The following NPAS3 variants were observed in gnomAD, a reference collection of about 807,000 sequenced individuals.
NPAS3 encodes neuronal PAS domain-containing protein 3.
Under a neutral mutation model 73.1 loss-of-function variants are expected in NPAS3, and 14 were observed. The observed-to-expected ratio is 0.19, with a 90% CI of 0.13 to 0.30. The LOEUF (loss-of-function observed/expected upper bound fraction) is 0.30, where lower values mean the gene tolerates loss of function less well. NPAS3 is among the 10% of genes least tolerant of loss of function. NPAS3 has a pLI of 1.00. For synonymous variants in NPAS3, 620 were observed against 541.5 expected, an observed-to-expected ratio of 1.14 and a Z score of -2.01; for missense variants, 1,096 against 1,250.0, an observed-to-expected ratio of 0.88 and a Z score of 1.86.
intron 5 of NPAS3, among the ~76,000 whole-genome samples, chr14:33,653,861 A>G (rs921079382): frequency 1.3e-5 from 2 of 152,210 alleles, no homozygotes; most frequent in Non-Finnish European, 2.9e-5. Flanking sequence ...TTTTATTCCT[A>G]ACTAAAACAG....
At chr14:33,718,093 C>T (rs748857904) in intron 6 of NPAS3, among the ~76,000 whole-genome samples, 28 of 151,956 alleles carry the variant, frequency 1.8e-4, no homozygotes, top group African/African-American at 6.3e-4. Context: ...GCACACGCAA[C>T]GCCAAACCAG....
At chr14:33,647,012 TGAAGTAATGG>T (rs1433695141) in intron 5 of NPAS3, among the ~76,000 whole-genome samples, 2 of 152,118 alleles carry the variant, frequency 1.3e-5, no homozygotes, top group African/African-American at 2.4e-5. Flanking sequence ...CAGCTGTCCT[TGAAGTAATGG>T]GTTTCAATAC....
At chr14:33,357,753 G>A (rs887639130) in intron 3 of NPAS3, among the ~76,000 whole-genome samples, 1 of 152,180 alleles carries the variant, frequency 6.6e-6, no homozygotes. Flanking sequence ...CCTCTGGCTT[G>A]GGAAGGTGAC....
At chr14:33,264,879 C>G (rs543619713) in intron 3 of NPAS3, among the ~76,000 whole-genome samples, 1 of 152,238 alleles carries the variant, frequency 6.6e-6, no homozygotes, top group East Asian at 1.9e-4. Flanking sequence ...CTAAGGCCTC[C>G]AACTGCACTT....
At chr14:33,663,690 G>C (rs2059374207) in intron 5 of NPAS3, among the ~76,000 whole-genome samples, 1 of 151,906 alleles carries the variant, frequency 6.6e-6, no homozygotes, top group Non-Finnish European at 1.5e-5. Context: ...TTTTTTGGTT[G>C]GTAGGCTATT....
chr14:33,164,915 C>G (rs1205860957), intron 2 of NPAS3, among the ~76,000 whole-genome samples: 1 of 151,856 alleles, frequency 6.6e-6, no homozygotes, highest in Non-Finnish European at 1.5e-5. Flanking sequence ...CAATAATTTC[C>G]CTTTTCATGG....
chr14:33,549,446 C>T (rs2055005794), intron 4 of NPAS3, among the ~76,000 whole-genome samples: 1 of 152,144 alleles, frequency 6.6e-6, no homozygotes, highest in East Asian at 1.9e-4. Context: ...TGTTGCCAGG[C>T]TGGTCTCAAA....
intron 4 of NPAS3, among the ~76,000 whole-genome samples, chr14:33,491,404 T>A (rs1275185153): frequency 6.6e-6 from 1 of 152,112 alleles, no homozygotes; most frequent in African/African-American, 2.4e-5. Flanking sequence ...GTGTGAGGCC[T>A]CTGGATGGTG....
intron 1 of NPAS3, among the ~76,000 whole-genome samples, chr14:32,940,785 T>C (rs2035958978): frequency 6.6e-6 from 1 of 152,256 alleles, no homozygotes; most frequent in South Asian, 2.1e-4. Flanking sequence ...AAAAGGCTTC[T>C]ATTGTACTGT....
intron 2 of NPAS3, among the ~76,000 whole-genome samples, chr14:33,175,678 G>C (rs2139406080): frequency 6.6e-6 from 1 of 152,182 alleles, no homozygotes; most frequent in Non-Finnish European, 1.5e-5. Context: ...AGTGGAAAAA[G>C]TAAATTTAAT....
chr14:33,180,367 T>C (rs1245142520), intron 2 of NPAS3, among the ~76,000 whole-genome samples: 2 of 72,448 alleles, frequency 2.8e-5, no homozygotes, highest in African/African-American at 8.5e-5. Flanking sequence ...CACCATTCTG[T>C]TAAATAAGAG....
At chr14:33,730,695 G>GA (rs11386738) in intron 6 of NPAS3, among the ~76,000 whole-genome samples, 15,258 of 152,136 alleles carry the variant, frequency 0.1, 1,928 homozygotes, top group East Asian at 0.28. Context: ...ATTTTGCAAG[G>GA]AAAAAACCAA....
At chr14:33,475,516 GA>G (rs1174826998) in intron 4 of NPAS3, among the ~76,000 whole-genome samples, 2 of 135,772 alleles carry the variant, frequency 1.5e-5, no homozygotes. Context: ...TTATGTGTCT[GA>G]AATTTCCATG....
At chr14:33,655,699 C>T (rs1233312528) in intron 5 of NPAS3, among the ~76,000 whole-genome samples, 2 of 152,022 alleles carry the variant, frequency 1.3e-5, no homozygotes, top group African/African-American at 2.4e-5. Context: ...TGTTTGCTTT[C>T]GCCTTGTTGT....
At chr14:33,159,301 G>T (rs1182590634) in intron 2 of NPAS3, among the ~76,000 whole-genome samples, 1 of 152,154 alleles carries the variant, frequency 6.6e-6, no homozygotes, top group Non-Finnish European at 1.5e-5. Flanking sequence ...CACCAGAATT[G>T]CTTTGTGAGC....
intron 2 of NPAS3, among the ~76,000 whole-genome samples, chr14:33,085,272 G>C (rs4982044): frequency 0.06 from 9,098 of 152,216 alleles, 377 homozygotes; most frequent in Admixed American, 0.091. Context: ...ATTATTATCT[G>C]GCTTATTTGT....
chr14:33,177,068 C>G (rs2045613172), intron 2 of NPAS3, among the ~76,000 whole-genome samples: 1 of 70,720 alleles, frequency 1.4e-5, no homozygotes, highest in South Asian at 4.6e-4. Flanking sequence ...GGCTGTTTAT[C>G]TTTTTATTAT....
intron 2 of NPAS3, among the ~76,000 whole-genome samples, chr14:33,114,930 G>A (rs2043012587): frequency 6.6e-6 from 1 of 152,140 alleles, no homozygotes; most frequent in South Asian, 2.1e-4. Flanking sequence ...AGCAGCCTGA[G>A]GATATGGGCT....
At chr14:33,299,758 A>G in intron 3 of NPAS3, among the ~76,000 whole-genome samples, 1 of 151,440 alleles carries the variant, frequency 6.6e-6, no homozygotes, top group South Asian at 2.1e-4. Flanking sequence ...ATTCCAGAGC[A>G]TTTTTTTTTC....
Sources: allele counts gnomAD v4.1 joint callset (sites outside exome capture counted in the v4.1 genomes callset), GRCh38; gene constraint gnomAD v4.1.1; transcripts MANE v1.5; gene names NCBI Gene and HGNC (gene_info 2026-07-23, HGNC 2026-07-21).